The following ARID1B variants were observed in gnomAD, a reference collection of about 807,000 sequenced individuals.
ARID1B encodes the protein AT-rich interactive domain-containing protein 1B.
In ARID1B, 30 loss-of-function variants were observed where a neutral mutation model predicts 212.3. That is an observed-to-expected ratio of 0.14 (90% CI 0.11 to 0.19). The LOEUF (loss-of-function observed/expected upper bound fraction) is 0.19. Ranked by LOEUF, ARID1B falls within the 10% of genes least tolerant of loss-of-function variation. The pLI is 1.00. For synonymous variants in ARID1B, 1,402 were observed against 1,301.7 expected (o/e 1.08, Z -1.66); for missense variants, 2,891 against 3,204.0 (o/e 0.90, Z 2.36).
At position 156,901,627 on chromosome 6, in the gene ARID1B, GA is replaced by G. The variant is rs570755706; in HGVS notation, c.2136+110del. 687 of 1,401,914 alleles carry G rather than the reference GA, an allele frequency of 4.9e-4. 13 individuals are homozygous for G. In the South Asian group the frequency reaches 9.1e-3, roughly 19 times the overall value. The allele number at this position is 1,401,914 out of a possible 1,614,324, so 86.8% of individuals were successfully genotyped here. ...CTTTATTAAAAATTATGTTCTGGTG[GA>G]AAAAAAATTAGTTTTGAGAAAATGC... is the stretch of plus-strand genomic sequence containing the variant. On this transcript the variant is annotated intron_variant, in intron 3 of 19. Transcript: ENST00000636930.
chr6:156,929,021 T>G (rs988866037), intron 3 of ARID1B, among the ~76,000 whole-genome samples: 1 of 152,194 alleles, frequency 6.6e-6, no homozygotes, highest in South Asian at 2.1e-4. Flanking sequence ...ATTATAGAAA[T>G]GAAGAGATAT....
At chr6:156,835,551 T>C (rs1453369552) in intron 2 of ARID1B, among the ~76,000 whole-genome samples, 1 of 152,190 alleles carries the variant, frequency 6.6e-6, no homozygotes, top group Non-Finnish European at 1.5e-5. Context: ...TTATTTTTTA[T>C]CTGTACATTT....
intron 4 of ARID1B, among the ~76,000 whole-genome samples, chr6:157,039,848 TTC>T (rs143678192): frequency 0.043 from 5,360 of 125,874 alleles, 468 homozygotes; most frequent in African/African-American, 0.16. Context: ...TTCTCTCTCT[TTC>T]TCTCTCTTTC....
At chr6:157,010,204 C>T (rs1483586205) in intron 4 of ARID1B, among the ~76,000 whole-genome samples, 1 of 151,052 alleles carries the variant, frequency 6.6e-6, no homozygotes, top group Non-Finnish European at 1.5e-5. Flanking sequence ...TTGAATAGGG[C>T]CGAGCTATTA....
chr6:157,084,386 C>T (rs769455569), intron 4 of ARID1B, among the ~76,000 whole-genome samples: 1 of 152,040 alleles, frequency 6.6e-6, no homozygotes, highest in South Asian at 2.1e-4. Context: ...CTAATGGACT[C>T]GGTGCTGACA....
intron 2 of ARID1B, among the ~76,000 whole-genome samples, chr6:156,837,313 A>G (rs920567361): frequency 6.6e-6 from 1 of 152,224 alleles, no homozygotes; most frequent in African/African-American, 2.4e-5. Flanking sequence ...AGATCTAGCA[A>G]TTACTCATTT....
chr6:156,966,165 A>G (rs12208834), intron 4 of ARID1B, among the ~76,000 whole-genome samples: 40,241 of 152,058 alleles, frequency 0.26, 5,797 homozygotes, highest in Non-Finnish European at 0.32. Flanking sequence ...ACAAATTCTG[A>G]TTAACCATTT....
intron 3 of ARID1B, among the ~76,000 whole-genome samples, chr6:156,904,488 A>T (rs1227025935): frequency 6.6e-6 from 1 of 152,264 alleles, no homozygotes; most frequent in East Asian, 1.9e-4. Flanking sequence ...TATCTGCAGG[A>T]TGAATTCTGG....
intron 1 of ARID1B, chr6:156,779,781 A>T (rs1179391411): frequency 6.5e-6 from 1 of 153,120 alleles, no homozygotes; most frequent in Non-Finnish European, 1.5e-5. Context: ...CCGAGGCGCC[A>T]CCCGCGCGGT....
Position 156,829,204 on chromosome 6 carries a change from C to T in ARID1B, c.1792-23C>T, listed in dbSNP as rs748665710. On this transcript the variant is annotated intron_variant, in intron 1 of 19. Coordinates refer to ENST00000636930, the MANE Select transcript of ARID1B (RefSeq NM_001374828.1). ...TGTAATAAAGAATGAATTAATAAAC[C>T]GACTTCTTTTATGTCTTCACAGGGC... The T allele has an allele frequency of 8.9e-6, 14 of 1,566,060 alleles. No individual in the cohort carries two copies. In the Admixed American group the frequency reaches 1.3e-4, roughly 14 times the overall value.
chr6:156,815,143 AAAG>A (rs1781874826), intron 1 of ARID1B, among the ~76,000 whole-genome samples: 1 of 152,210 alleles, frequency 6.6e-6, no homozygotes, highest in Non-Finnish European at 1.5e-5. Flanking sequence ...AAGTCTAAGA[AAAG>A]AAGAGTATGG....
rs1794540213 is a variant in ARID1B, at chr6:157,207,243, G to A, written c.6471G>A (p.Gln2157=). 1 of 1,614,204 alleles carries A rather than the reference G, an allele frequency of 6.2e-7. No homozygotes were observed. The highest frequency in any genetic ancestry group is 8.5e-7 in the Non-Finnish European group (1 of 1,180,034). ...TCACGTTGGCCAACATTTCCGGGCA[G>A]CTAGACTTGTCTGCTTACACGGAAA... ...TLVTLANISG[Q]LDLSAYTESI... The change falls in exon 20 of 20, where the codon CAG becomes CAA. Residue 2157 remains glutamine (Q), a synonymous_variant. Coordinates refer to ENST00000636930, the MANE Select transcript of ARID1B (RefSeq NM_001374828.1). This position sits in a 1 kb window ranked among gnomAD's most constrained non-coding sequence, Gnocchi z 8.5.
intron 16 of ARID1B, among the ~76,000 whole-genome samples, chr6:157,197,567 C>G (rs1199666450): frequency 6.6e-6 from 1 of 152,352 alleles, no homozygotes; most frequent in Non-Finnish European, 1.5e-5. Flanking sequence ...ATTTACTCTT[C>G]TAATTCTTAA....
At position 156,777,800 on chromosome 6, in the gene ARID1B, G is replaced by C; in HGVS notation, c.120G>C (p.Leu40=). ...GPRPAPGARD[L]EAGARGAAAA... ...GGCCGGCGCCCGGAGCCCGGGACCTGGAGGCGGGGGCGCGCGGCGCGGCGG... is the reference window on the plus strand; with the variant it reads ...GGCCGGCGCCCGGAGCCCGGGACCTCGAGGCGGGGGCGCGCGGCGCGGCGG... Residue 40 remains leucine, a synonymous_variant, in exon 1 of 20, where the codon CTG becomes CTC. Coordinates refer to ENST00000636930, the MANE Select transcript of ARID1B (RefSeq NM_001374828.1). 1.0e-6 allele frequency: 1 copy of C among 964,500 alleles called. No individual in the cohort carries two copies. The highest frequency in any genetic ancestry group is 1.2e-6 in the Non-Finnish European group (1 of 813,390). The allele number at this position is 964,500 out of a possible 1,614,324, so 59.7% of individuals were successfully genotyped here.
At chr6:157,122,512 G>A (rs147412180) in intron 6 of ARID1B, among the ~76,000 whole-genome samples, 456 of 152,284 alleles carry the variant, frequency 3.0e-3, no homozygotes, top group Admixed American at 6.3e-3. Context: ...ACCATGTAAC[G>A]TTGAAATGAA....
At chr6:156,998,478 C>G (rs1778727291) in intron 4 of ARID1B, among the ~76,000 whole-genome samples, 1 of 152,190 alleles carries the variant, frequency 6.6e-6, no homozygotes, top group Admixed American at 6.5e-5. Context: ...CCGCCTCGGC[C>G]TCCCAAAGTG....
At chr6:156,941,129 G>C (rs759525906) in intron 4 of ARID1B, 1 of 152,156 alleles carries the variant, frequency 6.6e-6, no homozygotes, top group African/African-American at 2.4e-5. Flanking sequence ...TCAGTGTTCA[G>C]GCATGGATGA....
At chr6:156,805,444 A>T (rs1380669098) in intron 1 of ARID1B, among the ~76,000 whole-genome samples, 5 of 152,058 alleles carry the variant, frequency 3.3e-5, no homozygotes, top group African/African-American at 1.2e-4. Flanking sequence ...AGCATATAGG[A>T]TGTTGTCCGA....
At chr6:156,809,264 TTA>T (rs1343994191) in intron 1 of ARID1B, among the ~76,000 whole-genome samples, 1 of 152,230 alleles carries the variant, frequency 6.6e-6, no homozygotes, top group Non-Finnish European at 1.5e-5. Flanking sequence ...TCTGCTGGCC[TTA>T]GCTTCATGTG....
Sources: gnomAD v4.1 joint callset for allele counts (sites outside exome capture counted in the v4.1 genomes callset) on GRCh38, gnomAD v4.1.1 for gene constraint, Gnocchi (gnomAD v3.1) non-coding constraint, MANE v1.5 for transcripts, NCBI Gene and HGNC (gene_info 2026-07-23, HGNC 2026-07-21) for gene names.